The following ATP9A variants were observed in gnomAD, a reference collection of about 807,000 sequenced individuals.
ATP9A encodes the protein probable phospholipid-transporting ATPase IIA.
In ATP9A, 52 loss-of-function variants were observed where a neutral mutation model predicts 144.1. That is an observed-to-expected ratio of 0.36 (90% confidence interval 0.29 to 0.45). The LOEUF is 0.45. ATP9A is among the 20% of genes least tolerant of loss of function. The pLI, the probability that ATP9A is intolerant of heterozygous loss-of-function variation, is 1.00. For synonymous variants in ATP9A, 582 were observed against 557.4 expected, an observed-to-expected ratio of 1.04 and a Z score of -0.62; for missense variants, 947 against 1,392.7, an observed-to-expected ratio of 0.68 and a Z score of 5.09.
intron 14 of ATP9A, among the ~76,000 whole-genome samples, chr20:51,641,986 G>A (rs2077321411): frequency 1.4e-5 from 2 of 148,084 alleles, no homozygotes; most frequent in South Asian, 4.3e-4. Context: ...AGAGGAAAGT[G>A]GGAGGGCCTT....
intron 16 of ATP9A, among the ~76,000 whole-genome samples, chr20:51,628,031 A>G (rs905797954): frequency 6.6e-6 from 1 of 152,172 alleles, no homozygotes; most frequent in African/African-American, 2.4e-5. Flanking sequence ...TTCCCAAATA[A>G]CCACAATCAA....
chr20:51,729,511 G>A (rs1244466414), intron 2 of ATP9A, among the ~76,000 whole-genome samples: 1 of 152,186 alleles, frequency 6.6e-6, no homozygotes, highest in Non-Finnish European at 1.5e-5. Flanking sequence ...TTGAGAGGCT[G>A]AAGTGGGTGG....
intron 5 of ATP9A, among the ~76,000 whole-genome samples, chr20:51,696,904 T>G (rs962573148): frequency 6.6e-6 from 1 of 152,158 alleles, no homozygotes; most frequent in African/African-American, 2.4e-5. Context: ...AAGACATGAG[T>G]GTTTGCTAAA....
In ATP9A at chr20:51,694,078, T is replaced by G; in HGVS notation, c.572A>C (p.Gln191Pro). The G allele has an allele frequency of 6.2e-7, 1 of 1,614,148 alleles. No individual in the cohort carries two copies. The highest frequency in any genetic ancestry group is 8.5e-7 in the Non-Finnish European group (1 of 1,179,996). The change falls in exon 7 of 28, where the codon CAG (glutamine) becomes CCG (proline). Residue 191 changes from glutamine (Q) to proline (P), a missense_variant. Physicochemically the swap from Gln to Pro is moderately conservative, Grantham distance 76. Transcript: ENST00000338821. ...CTTCCAGTCCGTCTCCCCATCCAGC[T>G]GATCCGTCCGCAAGAAGCATGACCC... The part of the protein sequence containing the change: ...KNGSCFLRTD[Q>P]LDGETDWKLR...
At chr20:51,637,938 TG>T (rs2077299797) in intron 15 of ATP9A, among the ~76,000 whole-genome samples, 1 of 150,738 alleles carries the variant, frequency 6.6e-6, no homozygotes, top group South Asian at 2.1e-4. Flanking sequence ...CTCCCTCTTA[TG>T]AGTGAGAACA....
chr20:51,721,704 G>A (rs1601126543), intron 3 of ATP9A, among the ~76,000 whole-genome samples: 1 of 151,372 alleles, frequency 6.6e-6, no homozygotes, highest in East Asian at 1.9e-4. Flanking sequence ...GGGAGGCTGA[G>A]GCAGGAGAAT....
chr20:51,618,133 T>A (rs2077210959), intron 21 of ATP9A, among the ~76,000 whole-genome samples: 1 of 151,116 alleles, frequency 6.6e-6, no homozygotes, highest in South Asian at 2.1e-4. Context: ...GGCAGGAGAA[T>A]CACTTGAACC....
intron 14 of ATP9A, among the ~76,000 whole-genome samples, chr20:51,651,987 G>A (rs550898041): frequency 1.3e-5 from 2 of 152,288 alleles, no homozygotes; most frequent in Admixed American, 6.5e-5. Flanking sequence ...ACAAGTGAAT[G>A]AGCCATGGAC....
chr20:51,601,226 T>C lies in ATP9A; in HGVS notation c.3129A>G (p.Ser1043=), dbSNP rs2077141531. ...AACGCACGGCCTATGATGTGAGCTTTGAGTAGCTGGGGGGAGAGAACCGTC... is the reference window on the plus strand; with the variant it reads ...AACGCACGGCCTATGATGTGAGCTTCGAGTAGCTGGGGGGAGAGAACCGTC... ...LRRRFSPPSY[S]KLTS The change falls in exon 28 of 28, where the codon TCA becomes TCG. Residue 1043 remains serine, a synonymous_variant. Coordinates refer to ENST00000338821, the MANE Select transcript of ATP9A (RefSeq NM_006045.3). The C allele has an allele frequency of 4.3e-6, 7 of 1,612,964 alleles. No individual in the cohort carries two copies. In the East Asian group the frequency reaches 1.6e-4, roughly 36 times the overall value.
At chr20:51,618,462 G>A (rs2057076) in intron 21 of ATP9A, among the ~76,000 whole-genome samples, 200 bp downstream of exon 21, 14,604 of 152,136 alleles carry the variant, frequency 0.096, 889 homozygotes, top group Admixed American at 0.16. Flanking sequence ...GGCCTGGCAC[G>A]TGCTTATCTA....
At chr20:51,681,951 G>A (rs2077501632) in intron 9 of ATP9A, among the ~76,000 whole-genome samples, 1 of 152,162 alleles carries the variant, frequency 6.6e-6, no homozygotes, top group African/African-American at 2.4e-5. Context: ...CAGTAGCCAA[G>A]GTGGTGGTTA....
At chr20:51,676,308 C>CTTTT in intron 9 of ATP9A, 100 bp from the exon 10 acceptor site, 1 of 683,110 alleles carries the variant, frequency 1.5e-6, no homozygotes, top group Admixed American at 3.3e-5. Flanking sequence ...AGACTGGGTT[C>CTTTT]TTTTTTTTTT....
chr20:51,657,312 T>G (rs190894112), intron 13 of ATP9A, among the ~76,000 whole-genome samples, 162 bp from the exon 14 acceptor site: 10 of 152,050 alleles, frequency 6.6e-5, no homozygotes, highest in African/African-American at 1.9e-4. Context: ...CATGCAATTT[T>G]CAGGGTTTGT....
chr20:51,607,168 G>A (rs1218353533), intron 26 of ATP9A, among the ~76,000 whole-genome samples: 1 of 152,122 alleles, frequency 6.6e-6, no homozygotes, highest in Admixed American at 6.5e-5. Flanking sequence ...CCCTCTGGAG[G>A]CCACTGAGGT....
At chr20:51,709,077 C>T (rs1327392613) in intron 4 of ATP9A, among the ~76,000 whole-genome samples, 1 of 152,092 alleles carries the variant, frequency 6.6e-6, no homozygotes, top group Non-Finnish European at 1.5e-5. Context: ...GGTAATTGTA[C>T]ATAACTGTGT....
At chr20:51,651,900 G>C (rs527274395) in intron 14 of ATP9A, among the ~76,000 whole-genome samples, 1 of 152,254 alleles carries the variant, frequency 6.6e-6, no homozygotes, top group Admixed American at 6.5e-5. Context: ...CTGGGCGACA[G>C]AGCAAGACTC....
chr20:51,616,833 GC>G (rs1291066928), intron 22 of ATP9A, among the ~76,000 whole-genome samples: 1 of 152,028 alleles, frequency 6.6e-6, no homozygotes, highest in Non-Finnish European at 1.5e-5. Flanking sequence ...CTTCCATAGC[GC>G]CCAAGAGATC....
rs75713677 is a variant in ATP9A at position 51,752,621 on chromosome 20, A to T, written c.68+15681T>A. On this transcript the variant is annotated intron_variant, in intron 1 of 27. Transcript: ENST00000338821. The stretch of plus-strand genomic sequence containing the variant: ...CCGGCAATTCTCTGAAATATCCAAA[A>T]ACAAGGCCAAGATTCTTAAGCACTG... Among the ~76,000 whole-genome samples, 1,042 of 152,278 alleles carry T rather than the reference A, an allele frequency of 6.8e-3. 6 individuals carry two copies. Among genetic ancestry groups the T allele is most frequent in the African/African-American group, 0.023 (969 of 41,548 alleles).
chr20:51,610,374 GA>G (rs1211664894), intron 23 of ATP9A, among the ~76,000 whole-genome samples: 1 of 152,194 alleles, frequency 6.6e-6, no homozygotes, highest in African/African-American at 2.4e-5. Context: ...ATGCAAAGCA[GA>G]AAGTGAGGCA....
Sources: allele counts gnomAD v4.1 joint callset (sites outside exome capture counted in the v4.1 genomes callset), GRCh38; gene constraint gnomAD v4.1.1; transcripts MANE v1.5; gene names NCBI Gene and HGNC (gene_info 2026-07-23, HGNC 2026-07-21).